The following CNOT10 variants were observed in gnomAD, a reference collection of about 807,000 sequenced individuals.
The protein encoded by CNOT10 is CCR4-NOT transcription complex subunit 10.
Under a neutral mutation model 94.6 loss-of-function variants are expected in CNOT10, and 30 were observed. That is an observed-to-expected ratio of 0.32 (90% CI 0.24 to 0.43). The LOEUF (loss-of-function observed/expected upper bound fraction) is 0.43, where lower values mean the gene tolerates loss of function less well. Among genes scored for constraint, CNOT10 ranks in the 20% least tolerant of loss-of-function variants. The pLI, the probability that CNOT10 is intolerant of heterozygous loss-of-function variation, is 1.00. For missense variants in CNOT10, 759 were observed against 877.2 expected, an observed-to-expected ratio of 0.87 and a Z score of 1.70; for synonymous variants, 289 against 301.6, an observed-to-expected ratio of 0.96 and a Z score of 0.43.
At position 32,725,446 on chromosome 3, in the gene CNOT10, TC is replaced by T. The variant is rs1698623965; in HGVS notation, c.863-3del. 1.2e-6 allele frequency: 2 copies of T among 1,612,530 alleles called. No individual in the cohort carries two copies. Among genetic ancestry groups the T allele is most frequent in the East Asian group, 4.5e-5 (2 of 44,882 alleles). ...GTGGACAAATTTATTTGCATTTTTT[TC>T]AGGTGAATGCTTGAGATGCATGTTC... On this transcript the variant is annotated splice_region_variant and splice_polypyrimidine_tract_variant and intron_variant, in intron 8 of 18. Coordinates refer to ENST00000328834, the MANE Select transcript of CNOT10 (RefSeq NM_015442.3).
At chr3:32,698,549 C>T (rs911910603) in intron 1 of CNOT10, among the ~76,000 whole-genome samples, 2 of 152,002 alleles carry the variant, frequency 1.3e-5, no homozygotes, top group Non-Finnish European at 2.9e-5. Flanking sequence ...AATATAAGTA[C>T]AAGAATTTTT....
intron 7 of CNOT10, 137 bp from the exon 8 acceptor site, chr3:32,719,977 A>C: frequency 2.2e-6 from 1 of 445,400 alleles, no homozygotes; most frequent in Non-Finnish European, 4.1e-6. Context: ...TGAAAAATTT[A>C]GAGACTATAT....
intron 13 of CNOT10, among the ~76,000 whole-genome samples, chr3:32,757,158 G>A (rs1367274294): frequency 7.2e-6 from 1 of 139,296 alleles, no homozygotes; most frequent in Admixed American, 7.5e-5. Flanking sequence ...CATTCACATA[G>A]GCCCTGAACT....
At chr3:32,690,577 C>T (rs1475114205) in intron 1 of CNOT10, among the ~76,000 whole-genome samples, 6 of 151,232 alleles carry the variant, frequency 4.0e-5, no homozygotes, top group South Asian at 2.1e-4. Flanking sequence ...GACAGAGTCT[C>T]GCTCTGTTGC....
chr3:32,753,987 C>A, intron 13 of CNOT10: 1 of 645,728 alleles, frequency 1.5e-6, no homozygotes, highest in Non-Finnish European at 2.5e-6. Flanking sequence ...ATCCCAGTTA[C>A]TGGGAAGGCC....
chr3:32,713,452 G>A, intron 5 of CNOT10, 83 bp downstream of exon 5: 1 of 1,109,240 alleles, frequency 9.0e-7, no homozygotes, highest in Non-Finnish European at 1.3e-6. Context: ...TAAAAAGAAA[G>A]CAATTAAAAT....
chr3:32,738,026 A>G (rs995344349), intron 13 of CNOT10, among the ~76,000 whole-genome samples: 9 of 152,162 alleles, frequency 5.9e-5, no homozygotes, highest in Non-Finnish European at 8.8e-5. Flanking sequence ...TTTCTTTCCT[A>G]GAAATGATTT....
chr3:32,718,943 C>T (rs1347073649), intron 7 of CNOT10, among the ~76,000 whole-genome samples: 1 of 152,070 alleles, frequency 6.6e-6, no homozygotes, highest in African/African-American at 2.4e-5. Flanking sequence ...GGGGAAGCCC[C>T]ATCTCTACTA....
At position 32,762,811 on chromosome 3, in the gene CNOT10, G is replaced by A. The variant is rs756000360; in HGVS notation, c.1788G>A (p.Pro596=). Residue 596 remains proline, a synonymous_variant, in exon 15 of 19, where the codon CCG becomes CCA. Transcript: ENST00000328834. ...RISDAITHLN[P]ENVTDVSLGI... is the part of the protein sequence containing the mutation. ...CTGATGCCATTACTCACTTGAACCC[G>A]GAGAATGTCACTGATGTCTCCTTAG... 44 of 1,584,628 alleles carry A rather than the reference G, an allele frequency of 2.8e-5. No individual in the cohort carries two copies. The highest frequency in any genetic ancestry group is 1.7e-4 in the Middle Eastern group (1 of 6,012).
intron 13 of CNOT10, among the ~76,000 whole-genome samples, chr3:32,740,235 C>T (rs1043421276): frequency 1.3e-5 from 2 of 151,734 alleles, no homozygotes; most frequent in African/African-American, 2.4e-5. Flanking sequence ...CCGAGGTGGG[C>T]GGATCACGAG....
intron 4 of CNOT10, among the ~76,000 whole-genome samples, chr3:32,710,458 A>G (rs1208529279): frequency 6.6e-6 from 1 of 152,108 alleles, no homozygotes; most frequent in Non-Finnish European, 1.5e-5. Flanking sequence ...TGCATTTGTT[A>G]TAATTGATAA....
At chr3:32,687,458 T>TTTTTTTTTTTTTG (rs1559471769) in intron 1 of CNOT10, among the ~76,000 whole-genome samples, 2 of 108,048 alleles carry the variant, frequency 1.9e-5, no homozygotes, top group Non-Finnish European at 3.9e-5. Flanking sequence ...TTTTGTTTTT[T>TTTTTTTTTTTTTG]TTTTTTTTTT....
chr3:32,720,493 T>C (rs1223130208), intron 8 of CNOT10, among the ~76,000 whole-genome samples: 1 of 151,740 alleles, frequency 6.6e-6, no homozygotes, highest in Non-Finnish European at 1.5e-5. Context: ...CCCCACCTTT[T>C]TTATTTTTAT....
In CNOT10 at chr3:32,725,596, C is replaced by G. The variant is rs1698630501; in HGVS notation, c.1009C>G (p.Pro337Ala). Residue 337 changes from proline (P) to alanine (A), a missense_variant, in exon 9 of 19, where the codon CCA becomes GCA. This residue lies in a region of CNOT10 where 682 missense variants were observed against 799.4 expected (regional missense o/e 0.85). Transcript: ENST00000328834. The stretch of plus-strand genomic sequence containing the variant: ...ACAGCTCAGTGCAGGTAGCACTGAT[C>G]CAGGTAAGCCCAGTACTGGGGGACA... ...CAQLSAGSTD[P>A]GKKFSGRPMC... is the part of the protein sequence containing the mutation. The G allele has an allele frequency of 6.2e-6, 10 of 1,607,850 alleles. No homozygotes were observed. The highest frequency in any genetic ancestry group is 1.3e-5 in the African/African-American group (1 of 74,676).
intron 3 of CNOT10, 120 bp from the exon 4 acceptor site, chr3:32,708,550 G>A: frequency 1.3e-6 from 1 of 780,658 alleles, no homozygotes; most frequent in Non-Finnish European, 2.0e-6. Context: ...ACTGTTGAAA[G>A]TATGGAAAAA....
At chr3:32,715,389 G>T (rs1046747767) in intron 5 of CNOT10, among the ~76,000 whole-genome samples, 3 of 152,202 alleles carry the variant, frequency 2.0e-5, no homozygotes, top group African/African-American at 7.2e-5. Context: ...TGAGCTTAAT[G>T]GTGTGCTGGA....
At chr3:32,690,540 G>C (rs1038418230) in intron 1 of CNOT10, among the ~76,000 whole-genome samples, 1 of 148,526 alleles carries the variant, frequency 6.7e-6, no homozygotes, top group Non-Finnish European at 1.5e-5. Flanking sequence ...GTGTACTACT[G>C]TATCCAGATA....
In CNOT10 at chr3:32,773,734, C is replaced by T; in HGVS notation, c.*123C>T. 9.5e-7 allele frequency: 1 copy of T among 1,047,552 alleles called. No homozygotes were observed. Among genetic ancestry groups the T allele is most frequent in the Non-Finnish European group, 1.3e-6 (1 of 755,424 alleles). The allele number at this position is 1,047,552 out of a possible 1,614,324, so 64.9% of individuals were successfully genotyped here. On this transcript the variant is annotated 3_prime_UTR_variant, in exon 19 of 19. Coordinates refer to ENST00000328834, the MANE Select transcript of CNOT10 (RefSeq NM_015442.3). Reference sequence around the variant, plus strand: ...TGTTAATTTTGAGTCAATTCTACCCCTGACATTTGGCCAAAAGCTTACTTA... The same window carrying T: ...TGTTAATTTTGAGTCAATTCTACCCTTGACATTTGGCCAAAAGCTTACTTA...
chr3:32,727,186 T>A (rs374718093), intron 9 of CNOT10, among the ~76,000 whole-genome samples: 9 of 151,996 alleles, frequency 5.9e-5, no homozygotes, highest in African/African-American at 2.2e-4. Context: ...ACTCTAAAAA[T>A]GTTGGCTAGG....
Sources: allele counts gnomAD v4.1 joint callset (sites outside exome capture counted in the v4.1 genomes callset), GRCh38; gene constraint gnomAD v4.1.1; regional missense constraint gnomAD v4.1.1; transcripts MANE v1.5; gene names NCBI Gene and HGNC (gene_info 2026-07-23, HGNC 2026-07-21).